The following POLQ variants were observed in gnomAD, a reference collection of about 807,000 sequenced individuals.
POLQ encodes epididymis secretory sperm binding protein.
POLQ carries 233 observed loss-of-function variants against 259.2 expected under a neutral mutation model. The observed-to-expected ratio is 0.90, with a 90% CI of 0.81 to 1.00. The LOEUF (loss-of-function observed/expected upper bound fraction) is 1.00, where lower values mean the gene tolerates loss of function less well. Ranked by LOEUF, POLQ falls within the 50% of genes least tolerant of loss-of-function variation. The pLI, the probability that POLQ is intolerant of heterozygous loss-of-function variation, is 0.00. For missense variants in POLQ, 2,871 were observed against 3,051.6 expected, an observed-to-expected ratio of 0.94 and a Z score of 1.39; for synonymous variants, 1,025 against 1,048.8, an observed-to-expected ratio of 0.98 and a Z score of 0.44.
chr3:121,442,075 C>T (rs184112549), intron 26 of POLQ, among the ~76,000 whole-genome samples: 287 of 152,272 alleles, frequency 1.9e-3, no homozygotes, highest in African/African-American at 6.5e-3. Flanking sequence ...TTCATATATT[C>T]TGGATATACA....
chr3:121,510,053 C>T lies in POLQ; in HGVS notation c.1802G>A (p.Ser601Asn). The change falls in exon 11 of 30, where the codon AGT (serine) becomes AAT (asparagine). Residue 601 changes from serine (S) to asparagine (N), a missense_variant. Ser to Asn is a conservative substitution (Grantham distance 46). This residue lies in a region of POLQ where 783 missense variants were observed against 906.2 expected (regional missense o/e 0.86). Transcript: ENST00000264233. ...GTCACACTTACCTTCTGTTCCATCA[C>T]TGGCTTCTGTACTCTGGATGAATTC... ...ENEFIQSTEA[S>N]DGTEGKVYHP... is the part of the protein sequence containing the mutation. 3 of 1,613,574 alleles carry T rather than the reference C, an allele frequency of 1.9e-6. No individual in the cohort carries two copies. The highest frequency in any genetic ancestry group is 1.1e-5 in the South Asian group (1 of 91,058).
In POLQ at chr3:121,489,026, T is replaced by A; in HGVS notation, c.3905A>T (p.Lys1302Ile). The A allele has an allele frequency of 6.2e-7, 1 of 1,612,972 alleles. No homozygotes were observed. The highest frequency in any genetic ancestry group is 8.5e-7 in the Non-Finnish European group (1 of 1,179,302). ...QEKTGTYTTN[K>I]TKNNHVSDLG... ...GTCAGAAACATGATTATTTTTAGTT[T>A]TGTTTGTTGTATAAGTACCTGTTTT... Residue 1302 changes from lysine (K) to isoleucine (I), a missense_variant, in exon 16 of 30, where the codon AAA becomes ATA. Physicochemically the swap from Lys to Ile is moderately radical, Grantham distance 102. Transcript: ENST00000264233.
chr3:121,431,872 G>A lies in POLQ; in HGVS notation c.*432C>T, dbSNP rs891952552. 1 of 157,980 alleles carries A rather than the reference G, an allele frequency of 6.3e-6. No homozygotes were observed. Among genetic ancestry groups the A allele is most frequent in the African/African-American group, 2.4e-5 (1 of 41,682 alleles). 9.8% of individuals were successfully genotyped at this position (157,980 alleles called of 1,614,324 possible). ...TAGAGGAAAAAAAGTCACACACGAT[G>A]CCTACCACCACCAGGGTGAAACCAA... On this transcript the variant is annotated 3_prime_UTR_variant, in exon 30 of 30. Transcript: ENST00000264233.
Position 121,523,862 on chromosome 3 carries a change from A to T in POLQ, c.1109-1713T>A, listed in dbSNP as rs190613581. On this transcript the variant is annotated intron_variant, in intron 7 of 29. Transcript: ENST00000264233. ...TTTTAAATTTTTAGGTAAACTTTTT[A>T]AAAAATTTTAAGGAATCACAGAGAG... is the stretch of plus-strand genomic sequence containing the variant. Among the ~76,000 whole-genome samples the T allele has an allele frequency of 4.6e-5, 7 of 152,306 alleles. No homozygotes were observed. The East Asian group carries it at 9.6e-4, about 21-fold the overall frequency.
intron 25 of POLQ, among the ~76,000 whole-genome samples, chr3:121,456,639 T>A (rs1364272855): frequency 6.6e-6 from 1 of 151,218 alleles, no homozygotes; most frequent in African/African-American, 2.4e-5. Context: ...CACAATTGCT[T>A]CAAAGAGAAT....
rs866412840 is a variant in POLQ, at chr3:121,539,599, G to A, written c.475-10C>T. 2 of 1,608,320 alleles carry A rather than the reference G, an allele frequency of 1.2e-6. No individual in the cohort carries two copies. Among genetic ancestry groups the A allele is most frequent in the East Asian group, 4.5e-5 (2 of 44,842 alleles). ...CTTCCTGAAACAGACTCTGAATTGAGTAAAAAGGAACAATACAGGTGAAAA... is the reference window on the plus strand; with the variant it reads ...CTTCCTGAAACAGACTCTGAATTGAATAAAAAGGAACAATACAGGTGAAAA... On this transcript the variant is annotated splice_polypyrimidine_tract_variant and intron_variant, in intron 3 of 29. Transcript: ENST00000264233.
chr3:121,453,112 T>C (rs937746940), intron 25 of POLQ, among the ~76,000 whole-genome samples: 1 of 152,222 alleles, frequency 6.6e-6, no homozygotes, highest in Non-Finnish European at 1.5e-5. Context: ...TCACCGCTGT[T>C]GATATCCAGG....
chr3:121,439,923 A>T, intron 27 of POLQ, 69 bp downstream of exon 27: 1 of 1,349,482 alleles, frequency 7.4e-7, no homozygotes, highest in Non-Finnish European at 1.1e-6. Flanking sequence ...TATTTGTAGT[A>T]TTTACTCTGC....
intron 7 of POLQ, among the ~76,000 whole-genome samples, chr3:121,523,045 TC>T (rs2048348851): frequency 6.6e-6 from 1 of 152,220 alleles, no homozygotes; most frequent in Non-Finnish European, 1.5e-5. Flanking sequence ...AGACAGGGTC[TC>T]ACTCTGTCAC....
chr3:121,493,979 C>G, intron 14 of POLQ: 1 of 599,082 alleles, frequency 1.7e-6, no homozygotes, highest in Non-Finnish European at 2.9e-6. Flanking sequence ...TACATGAAAA[C>G]TGAGGCAGAG....
In POLQ at chr3:121,488,456, T is replaced by C. The variant is rs768918678; in HGVS notation, c.4475A>G (p.Asp1492Gly). 7 of 1,610,234 alleles carry C rather than the reference T, an allele frequency of 4.3e-6. No individual in the cohort carries two copies. Among genetic ancestry groups the C allele is most frequent in the Non-Finnish European group, 5.1e-6 (6 of 1,178,592 alleles). ...SLNMSDSLLF[D>G]SFSDDYLVKE... ...TACTAGATAGTCATCACTGAAGCTATCAAATAGTAAACTATCACTCATATT... is the reference window on the plus strand; with the variant it reads ...TACTAGATAGTCATCACTGAAGCTACCAAATAGTAAACTATCACTCATATT... Residue 1492 changes from aspartate (D) to glycine (G), a missense_variant, in exon 16 of 30, where the codon GAT becomes GGT. Asp to Gly is a moderately conservative substitution (Grantham distance 94). Around this residue, in one of 3 missense-constraint regions of POLQ, gnomAD observed 2,080 missense variants for 2,126.0 expected, o/e 0.98. Transcript: ENST00000264233.
intron 16 of POLQ, among the ~76,000 whole-genome samples, chr3:121,486,441 C>T (rs2048012381): frequency 6.6e-6 from 1 of 152,144 alleles, no homozygotes; most frequent in Non-Finnish European, 1.5e-5. Context: ...GTAGTCCCAG[C>T]TACTCAGGAG....
intron 26 of POLQ, among the ~76,000 whole-genome samples, chr3:121,444,333 G>C (rs1490531011): frequency 1.1e-5 from 1 of 88,926 alleles, no homozygotes; most frequent in African/African-American, 3.6e-5. Flanking sequence ...ATTCCTAAGT[G>C]TTTAATTTTA....
chr3:121,477,674 G>A (rs1488777960), intron 19 of POLQ, among the ~76,000 whole-genome samples: 2 of 152,096 alleles, frequency 1.3e-5, no homozygotes, highest in African/African-American at 4.8e-5. Context: ...TCCATGGAAT[G>A]TACTATAGGA....
chr3:121,437,613 A>C (rs2047554886), intron 27 of POLQ, among the ~76,000 whole-genome samples: 1 of 152,216 alleles, frequency 6.6e-6, no homozygotes, highest in Non-Finnish European at 1.5e-5. Flanking sequence ...AAACTGCTAT[A>C]ATCTCCACAG....
At chr3:121,538,015 T>C (rs1205955771) in intron 4 of POLQ, among the ~76,000 whole-genome samples, 1 of 152,148 alleles carries the variant, frequency 6.6e-6, no homozygotes, top group African/African-American at 2.4e-5. Flanking sequence ...TACTCAGGGC[T>C]AAACAAACCC....
At chr3:121,436,100 C>T (rs779806816) in intron 28 of POLQ, 22 bp downstream of exon 28, 5 of 1,583,514 alleles carry the variant, frequency 3.2e-6, no homozygotes, top group Non-Finnish European at 4.3e-6. Flanking sequence ...TGTTACAGCA[C>T]AGGCCTCATC....
rs2047711708 is a variant in POLQ at position 121,454,418 on chromosome 3, A to G, written c.7153-4992T>C. On this transcript the variant is annotated intron_variant, in intron 25 of 29. Transcript: ENST00000264233. ...AAATGTAAATGGACTAAATGCTCCAATTAAAAGACACAGACTGGCAAATTG... is the reference window on the plus strand; with the variant it reads ...AAATGTAAATGGACTAAATGCTCCAGTTAAAAGACACAGACTGGCAAATTG... Among the ~76,000 whole-genome samples the G allele has an allele frequency of 2.6e-5, 4 of 152,354 alleles. No individual in the cohort carries two copies. The South Asian group carries it at 8.3e-4, about 32-fold the overall frequency.
intron 22 of POLQ, among the ~76,000 whole-genome samples, chr3:121,471,646 G>C (rs1046826261): frequency 2.0e-5 from 3 of 152,152 alleles, no homozygotes; most frequent in African/African-American, 7.2e-5. Flanking sequence ...GGAGGTTGAG[G>C]CAGGAGAATC....
Sources: allele counts gnomAD v4.1 joint callset (sites outside exome capture counted in the v4.1 genomes callset), GRCh38; gene constraint gnomAD v4.1.1; regional missense constraint gnomAD v4.1.1; transcripts MANE v1.5; gene names NCBI Gene and HGNC (gene_info 2026-07-23, HGNC 2026-07-21).